Variants in DIABLO observed in about 807,000 individuals in gnomAD.
The protein encoded by DIABLO is diablo IAP-binding mitochondrial protein.
A neutral mutation model predicts 31.7 loss-of-function variants in DIABLO; 32 were observed. The ratio of observed to expected loss-of-function variants is 1.01; its 90% CI spans 0.76 to 1.35. DIABLO has a LOEUF of 1.35. Among genes scored for constraint, DIABLO ranks in the 40% most tolerant of loss-of-function variants. The pLI is 0.00. For missense variants in DIABLO, 316 were observed against 286.4 expected, an observed-to-expected ratio of 1.10 and a Z score of -0.75; for synonymous variants, 132 against 103.2, an observed-to-expected ratio of 1.28 and a Z score of -1.69.
intron 5 of DIABLO, among the ~76,000 whole-genome samples, chr12:122,211,742 G>A (rs980991307): frequency 6.6e-6 from 1 of 152,010 alleles, no homozygotes; most frequent in Non-Finnish European, 1.5e-5. Flanking sequence ...TGGTTGTCTT[G>A]ACCTGCAAGC....
At chr12:122,216,932 G>T in intron 3 of DIABLO, 63 bp from the exon 4 acceptor site, 1 of 1,396,928 alleles carries the variant, frequency 7.2e-7, no homozygotes, top group East Asian at 2.3e-5. Flanking sequence ...GGAATAGAGA[G>T]ATTTCCACCT....
chr12:122,217,833 T>C (rs375859076), intron 3 of DIABLO: 35 of 185,602 alleles, frequency 1.9e-4, no homozygotes, highest in African/African-American at 7.1e-4. Flanking sequence ...TATACTCTCT[T>C]TTCTATTAGG....
chr12:122,209,656 C>T (rs566481610), intron 5 of DIABLO: 15 of 677,410 alleles, frequency 2.2e-5, no homozygotes, highest in Middle Eastern at 2.4e-4. Flanking sequence ...GAGTGAAACT[C>T]GTCTCCCCCC....
In DIABLO at chr12:122,218,380, G is replaced by A; in HGVS notation, c.201C>T (p.Ser67=). Residue 67 remains serine, a synonymous_variant, in exon 3 of 6, where the codon TCC becomes TCT. Transcript: ENST00000464942. ...TCCTCATCAATGCTTCACTACTAAGGGAATGAGGCTCTGATTTCTGAAAGA... is the reference window on the plus strand; with the variant it reads ...TCCTCATCAATGCTTCACTACTAAGAGAATGAGGCTCTGATTTCTGAAAGA... ...VPIAQKSEPH[S]LSSEALMRRA... 2.5e-6 allele frequency: 4 copies of A among 1,614,054 alleles called. No homozygotes were observed. The highest frequency in any genetic ancestry group is 1.1e-5 in the South Asian group (1 of 91,080).
At chr12:122,210,688 A>T (rs1381491562) in intron 5 of DIABLO, among the ~76,000 whole-genome samples, 1 of 151,976 alleles carries the variant, frequency 6.6e-6, no homozygotes, top group East Asian at 1.9e-4. Context: ...TGATATATCA[A>T]CTTTTTAAAT....
At chr12:122,216,183 T>C (rs1451855585) in intron 5 of DIABLO, among the ~76,000 whole-genome samples, 1 of 152,200 alleles carries the variant, frequency 6.6e-6, no homozygotes, top group East Asian at 1.9e-4. Flanking sequence ...ATAAATTGTA[T>C]TACCAAAAGA....
Position 122,208,386 on chromosome 12 carries a change from C to A in DIABLO, c.715G>T (p.Asp239Tyr). The A allele has an allele frequency of 6.2e-7, 1 of 1,612,234 alleles. No homozygotes were observed. ...ESEQEAYLRE[D>Y] ...AGGGCAGTGTGCTCAGGCCCTCAATCCTCACGCAGGTAGGCCTCCTGCTCC... is the reference window on the plus strand; with the variant it reads ...AGGGCAGTGTGCTCAGGCCCTCAATACTCACGCAGGTAGGCCTCCTGCTCC... Residue 239 changes from aspartate to tyrosine, a missense_variant, in exon 6 of 6, where the codon GAT becomes TAT. Coordinates refer to ENST00000464942, the MANE Select transcript of DIABLO (RefSeq NM_001371333.1).
At chr12:122,222,447 A>G (rs1290279365) in intron 2 of DIABLO, 1 of 152,036 alleles carries the variant, frequency 6.6e-6, no homozygotes, top group African/African-American at 2.4e-5. Context: ...CTACAAATAC[A>G]AAAAAATTAG....
chr12:122,208,608 A>G lies in DIABLO; in HGVS notation c.524-31T>C. ...AAAAGATGGGACAATCGGGTTGAGC[A>G]GCCGTGCAGGGCGCGGAAGGCTCAT... On this transcript the variant is annotated intron_variant, in intron 5 of 5. Coordinates refer to ENST00000464942, the MANE Select transcript of DIABLO (RefSeq NM_001371333.1). 5.0e-6 allele frequency: 8 copies of G among 1,606,244 alleles called. No homozygotes were observed. In the South Asian group the frequency reaches 5.5e-5, roughly 11 times the overall value.
At chr12:122,209,557 T>A in intron 5 of DIABLO, 1 of 532,664 alleles carries the variant, frequency 1.9e-6, no homozygotes, top group South Asian at 2.2e-5. Context: ...CTCAGCTACT[T>A]GGGAGCCTGA....
rs76277635 is a variant in DIABLO, at chr12:122,208,019, A to G, written c.*362T>C. ...TACTAAATCATTTTTGACGACGTAA[A>G]TAAGACTGAAAACAGGTTAAACAGT... On this transcript the variant is annotated 3_prime_UTR_variant, in exon 6 of 6. Transcript: ENST00000464942. The G allele has an allele frequency of 0.017, 8,646 of 502,454 alleles. 520 individuals carry two copies. The highest frequency in any genetic ancestry group is 0.14 in the African/African-American group (7,202 of 51,898). The allele number at this position is 502,454 out of a possible 1,614,324, so 31.1% of individuals were successfully genotyped here. A position where few individuals can be genotyped will look rare whatever the true frequency, so the allele number is the denominator to read the frequency against.
intron 2 of DIABLO, 77 bp from the exon 3 acceptor site, chr12:122,218,474 CG>C (rs1235387918): frequency 3.8e-6 from 6 of 1,587,544 alleles, no homozygotes; most frequent in Admixed American, 1.7e-5. Context: ...AAGCAAAAAA[CG>C]TAATTGTCAT....
rs752646534 is a variant in DIABLO at position 122,208,684 on chromosome 12, G to A, written c.524-107C>T. The A allele has an allele frequency of 1.5e-5, 17 of 1,167,778 alleles. 1 individual carries two copies. The highest frequency in any genetic ancestry group is 3.8e-4 in the Middle Eastern group (2 of 5,284). The allele number at this position is 1,167,778 out of a possible 1,614,324, so 72.3% of individuals were successfully genotyped here. Reference sequence around the variant, plus strand: ...GGCTGTCATCTGAACCCCTCTTGGGGTCACTTTCCTTGACCTCCCTGTCTT... The same window carrying A: ...GGCTGTCATCTGAACCCCTCTTGGGATCACTTTCCTTGACCTCCCTGTCTT... On this transcript the variant is annotated intron_variant, in intron 5 of 5. Coordinates refer to ENST00000464942, the MANE Select transcript of DIABLO (RefSeq NM_001371333.1).
chr12:122,208,676 C>CAAGAGGGGTTCAGA, intron 5 of DIABLO, 99 bp from the exon 6 acceptor site: 1 of 1,231,446 alleles, frequency 8.1e-7, no homozygotes, highest in Non-Finnish European at 1.2e-6. Context: ...ATCTGAACCC[C>CAAGAGGGGTTCAGA]TCTTGGGGTC....
chr12:122,216,047 C>CA (rs908933626), intron 5 of DIABLO, among the ~76,000 whole-genome samples: 91 of 152,198 alleles, frequency 6.0e-4, no homozygotes, highest in African/African-American at 2.1e-3. Flanking sequence ...CTGACATAGA[C>CA]AAATAATTTG....
At position 122,208,226 on chromosome 12, in the gene DIABLO, G is replaced by A. The variant is rs776624019; in HGVS notation, c.*155C>T. 2.7e-5 allele frequency: 23 copies of A among 837,160 alleles called. No homozygotes were observed. In the Admixed American group the frequency reaches 4.6e-4, roughly 17 times the overall value. 51.9% of individuals were successfully genotyped at this position (837,160 alleles called of 1,614,324 possible). ...CAGCGCAAGCCTGAGACCACAGGAG[G>A]CACTCACAGCTCACAAAGGCGTCTC... On this transcript the variant is annotated 3_prime_UTR_variant, in exon 6 of 6. Coordinates refer to ENST00000464942, the MANE Select transcript of DIABLO (RefSeq NM_001371333.1).
intron 1 of DIABLO, chr12:122,225,637 C>T: frequency 7.7e-7 from 1 of 1,303,226 alleles, no homozygotes; most frequent in Non-Finnish European, 9.8e-7. Flanking sequence ...CCCCCCATGC[C>T]GTGTCCCTCC....
At position 122,208,447 on chromosome 12, in the gene DIABLO, C is replaced by T. The variant is rs1483411723; in HGVS notation, c.654G>A (p.Gln218=). 2.3e-5 allele frequency: 37 copies of T among 1,613,968 alleles called. No individual in the cohort carries two copies. Among genetic ancestry groups the T allele is most frequent in the Non-Finnish European group, 3.1e-5 (36 of 1,180,040 alleles). The change falls in exon 6 of 6, where the codon CAG becomes CAA. Residue 218 remains glutamine, a synonymous_variant. Coordinates refer to ENST00000464942, the MANE Select transcript of DIABLO (RefSeq NM_001371333.1). ...GCTCCTCCCCTTCCTCCTGTGTTTT[C>T]TGACGGAGCTCTTCTATCTGTGCTT... ...LAEAQIEELR[Q]KTQEEGEERA...
chr12:122,216,940 C>CT, intron 3 of DIABLO, 71 bp from the exon 4 acceptor site: 1 of 1,350,672 alleles, frequency 7.4e-7, no homozygotes, highest in Non-Finnish European at 1.1e-6. Flanking sequence ...GAGATTTCCA[C>CT]CTCAAGGAAA....
Sources: allele counts gnomAD v4.1 joint callset (sites outside exome capture counted in the v4.1 genomes callset), GRCh38; gene constraint gnomAD v4.1.1; transcripts MANE v1.5; gene names NCBI Gene and HGNC (gene_info 2026-07-23, HGNC 2026-07-21).